Variants in RHOBTB1 observed in about 807,000 individuals in gnomAD.
RHOBTB1 encodes the protein rho-related BTB domain-containing protein 1.
In RHOBTB1, 40 loss-of-function variants were observed where a neutral mutation model predicts 71.6. That is an observed-to-expected ratio of 0.56 (90% CI 0.43 to 0.73). RHOBTB1 has a LOEUF of 0.73. Among genes scored for constraint, RHOBTB1 ranks in the 30% least tolerant of loss-of-function variants. The pLI is 0.00. For synonymous variants in RHOBTB1, 319 were observed against 334.9 expected (o/e 0.95, Z 0.52); for missense variants, 797 against 894.0 (o/e 0.89, Z 1.38).
upstream of RHOBTB1, among the ~76,000 whole-genome samples, chr10:60,947,484 C>A (rs2085276342): frequency 1.3e-5 from 2 of 152,170 alleles, no homozygotes; most frequent in African/African-American, 4.8e-5. Flanking sequence ...TTTGCACCCC[C>A]AATCCCCAAC....
At chr10:60,913,148 C>CTT (rs2083080228) in intron 2 of RHOBTB1, among the ~76,000 whole-genome samples, 1 of 152,126 alleles carries the variant, frequency 6.6e-6, no homozygotes, top group African/African-American at 2.4e-5. Flanking sequence ...AAGAAGAATT[C>CTT]TTTTTCACAG....
chr10:60,886,201 T>A lies in RHOBTB1; in HGVS notation c.1486A>T (p.Ile496Phe). Residue 496 changes from isoleucine to phenylalanine, a missense_variant, in exon 7 of 11, where the codon ATC (isoleucine) becomes TTC (phenylalanine). Transcript: ENST00000337910. The part of the protein sequence containing the change: ...DVTFKLDDGA[I>F]SAHKPLLICS... The stretch of plus-strand genomic sequence containing the variant: ...ATCAGCAGCGGCTTGTGGGCACTGA[T>A]GGCTCCATCGTCCAATTTAAATGTC... 2 of 1,614,074 alleles carry A rather than the reference T, an allele frequency of 1.2e-6. No homozygotes were observed. The highest frequency in any genetic ancestry group is 1.7e-6 in the Non-Finnish European group (2 of 1,179,950).
At chr10:60,986,773 A>T (rs1172345507) in intron 1 of RHOBTB1, among the ~76,000 whole-genome samples, 1 of 152,128 alleles carries the variant, frequency 6.6e-6, no homozygotes. Flanking sequence ...TTGCTGTAAA[A>T]ACTGTATTAT....
At chr10:60,933,229 G>A (rs1472364481) in intron 2 of RHOBTB1, among the ~76,000 whole-genome samples, 3 of 152,112 alleles carry the variant, frequency 2.0e-5, no homozygotes, top group Non-Finnish European at 2.9e-5. Context: ...TCCAACTTTA[G>A]GTAGAAATTA....
chr10:60,896,479 G>A (rs535508014), intron 4 of RHOBTB1, among the ~76,000 whole-genome samples: 5 of 152,304 alleles, frequency 3.3e-5, no homozygotes, highest in South Asian at 4.1e-4. Context: ...ATAAGAATTC[G>A]AGAATGCAGA....
At chr10:60,875,492 T>C (rs2081009585) in intron 8 of RHOBTB1, among the ~76,000 whole-genome samples, 1 of 152,212 alleles carries the variant, frequency 6.6e-6, no homozygotes, top group African/African-American at 2.4e-5. Flanking sequence ...TTCTACTGGA[T>C]GGAGTGGCTC....
intron 2 of RHOBTB1, among the ~76,000 whole-genome samples, chr10:60,950,504 C>T (rs563436210): frequency 1.3e-5 from 2 of 152,084 alleles, no homozygotes; most frequent in Middle Eastern, 3.2e-3. Context: ...TTAAAGGGAT[C>T]AGAGGGTAAC....
intron 2 of RHOBTB1, among the ~76,000 whole-genome samples, chr10:60,969,310 A>G (rs1424404057): frequency 6.6e-6 from 1 of 152,166 alleles, no homozygotes; most frequent in Non-Finnish European, 1.5e-5. Flanking sequence ...ACTCTGATAT[A>G]GCAGCCACAA....
chr10:60,945,207 A>G (rs1454590011), upstream of RHOBTB1, among the ~76,000 whole-genome samples: 2 of 152,158 alleles, frequency 1.3e-5, no homozygotes, highest in African/African-American at 2.4e-5. Context: ...GCCTTATGAA[A>G]CCCATCACTC....
At chr10:60,951,540 A>G (rs1196387657) in intron 2 of RHOBTB1, among the ~76,000 whole-genome samples, 1 of 152,212 alleles carries the variant, frequency 6.6e-6, no homozygotes, top group African/African-American at 2.4e-5. Context: ...GACATAAGCC[A>G]TTAAACACTT....
intron 2 of RHOBTB1, among the ~76,000 whole-genome samples, chr10:60,957,966 C>T (rs1360999839): frequency 1.3e-5 from 2 of 152,148 alleles, no homozygotes; most frequent in Admixed American, 1.3e-4. Flanking sequence ...TACAATATTA[C>T]TGAAAAGTGG....
At chr10:60,871,991 A>G (rs1328861753) in intron 10 of RHOBTB1, 194 bp downstream of exon 10, 1 of 640,926 alleles carries the variant, frequency 1.6e-6, no homozygotes, top group Non-Finnish European at 2.8e-6. Flanking sequence ...TCCCCTCATC[A>G]TCAAGTTCTC....
chr10:60,885,271 T>C (rs1397148941), intron 7 of RHOBTB1, among the ~76,000 whole-genome samples: 4 of 152,198 alleles, frequency 2.6e-5, no homozygotes, highest in Non-Finnish European at 5.9e-5. Flanking sequence ...TATTGAAACA[T>C]CATGTACCCC....
intron 2 of RHOBTB1, among the ~76,000 whole-genome samples, chr10:60,954,356 T>C (rs1157490622): frequency 6.6e-6 from 1 of 152,188 alleles, no homozygotes; most frequent in Non-Finnish European, 1.5e-5. Flanking sequence ...ACAGAAGATA[T>C]AGCAGTCTCA....
chr10:60,862,556 TTTC>T, the RHOBTB1 span, among the ~76,000 whole-genome samples: 43 of 152,090 alleles, frequency 2.8e-4, no homozygotes, highest in East Asian at 8.1e-3. Flanking sequence ...CTTTCTTTCC[TTTC>T]TTCTTTCTTT....
At position 60,953,984 on chromosome 10, in the gene RHOBTB1, A is replaced by G. The variant is rs1346993445; in HGVS notation, c.-61-12130T>C. Among the ~76,000 whole-genome samples the G allele has an allele frequency of 6.5e-5, 9 of 138,720 alleles. No homozygotes were observed. The South Asian group carries it at 1.7e-3, about 26-fold the overall frequency. 91.0% of individuals were successfully genotyped at this position (138,720 alleles called of 152,430 possible). A position where few individuals can be genotyped will look rare whatever the true frequency, so the allele number is the denominator to read the frequency against. ...TAAGCTTTAAATTTACTTTAACTCTATTCCATGTTATTGTGGTTTAATCAA... is the reference window on the plus strand; with the variant it reads ...TAAGCTTTAAATTTACTTTAACTCTGTTCCATGTTATTGTGGTTTAATCAA... On this transcript the variant is annotated intron_variant, in intron 2 of 11. Transcript: ENST00000357917.
intron 7 of RHOBTB1, among the ~76,000 whole-genome samples, chr10:60,880,360 C>G (rs10821850): frequency 0.33 from 50,025 of 151,840 alleles, 8,737 homozygotes; most frequent in African/African-American, 0.45. Context: ...CTCCAGAGCT[C>G]TTTAAGCTAT....
intron 5 of RHOBTB1, among the ~76,000 whole-genome samples, chr10:60,892,304 G>C (rs977180988): frequency 6.6e-6 from 1 of 152,096 alleles, no homozygotes. Flanking sequence ...CTATAGGTCC[G>C]AATGATTTTC....
At chr10:60,916,063 G>A (rs530798821) in intron 2 of RHOBTB1, among the ~76,000 whole-genome samples, 4 of 152,152 alleles carry the variant, frequency 2.6e-5, no homozygotes, top group South Asian at 2.1e-4. Context: ...ATAAGGCCAC[G>A]GCAGCAACTC....
Sources: gnomAD v4.1 joint callset for allele counts (sites outside exome capture counted in the v4.1 genomes callset) on GRCh38, gnomAD v4.1.1 for gene constraint, MANE v1.5 for transcripts, NCBI Gene and HGNC (gene_info 2026-07-23, HGNC 2026-07-21) for gene names.